PSMA3: variants seen among roughly 807,000 people sequenced by gnomAD.
PSMA3 encodes proteasome subunit alpha type-3.
PSMA3 carries 8 observed loss-of-function variants against 40.0 expected under a neutral mutation model. The observed-to-expected ratio is 0.20, with a 90% CI of 0.12 to 0.36. PSMA3 has a LOEUF of 0.36. Among genes scored for constraint, PSMA3 ranks in the 10% least tolerant of loss-of-function variants. The pLI, the probability that PSMA3 is intolerant of heterozygous loss-of-function variation, is 1.00. For missense variants in PSMA3, 219 were observed against 310.6 expected (o/e 0.70, Z 2.22); for synonymous variants, 110 against 100.0 (o/e 1.10, Z -0.59).
chr14:58,254,019 C>T (rs1008648412), intron 3 of PSMA3, among the ~76,000 whole-genome samples: 2 of 151,758 alleles, frequency 1.3e-5, no homozygotes. Flanking sequence ...AAGCCTAGGA[C>T]CCAATAGTTA....
intron 5 of PSMA3, among the ~76,000 whole-genome samples, chr14:58,259,972 CTA>C (rs1185856289): frequency 6.6e-6 from 1 of 152,070 alleles, no homozygotes; most frequent in Non-Finnish European, 1.5e-5. Context: ...TGACAATGAG[CTA>C]TATATCCTGA....
intron 3 of PSMA3, among the ~76,000 whole-genome samples, chr14:58,255,182 A>G (rs1027224557): frequency 1.3e-5 from 1 of 78,112 alleles, no homozygotes; most frequent in African/African-American, 5.1e-5. Context: ...AAAACTTAGT[A>G]GCCGTTTTTT....
At chr14:58,264,144 A>T (rs1216327952) in intron 7 of PSMA3, among the ~76,000 whole-genome samples, 1 of 152,234 alleles carries the variant, frequency 6.6e-6, no homozygotes, top group African/African-American at 2.4e-5. Context: ...ATAAAGCCTC[A>T]ATCTAGAAAA....
chr14:58,270,681 ATAC>A (rs1397610366), intron 9 of PSMA3, among the ~76,000 whole-genome samples, 196 bp downstream of exon 9: 3 of 152,226 alleles, frequency 2.0e-5, no homozygotes, highest in African/African-American at 4.8e-5. Context: ...TGGTTTTAAG[ATAC>A]TATGCTATAA....
chr14:58,263,856 G>C, intron 7 of PSMA3, 86 bp downstream of exon 7: 4 of 1,245,994 alleles, frequency 3.2e-6, no homozygotes, highest in East Asian at 4.8e-5. Context: ...TCTAAGGCAG[G>C]GATGTCCAAT....
chr14:58,267,510 G>A lies in PSMA3; in HGVS notation c.580G>A (p.Val194Ile). The A allele has an allele frequency of 6.4e-7, 1 of 1,574,306 alleles. No individual in the cohort carries two copies. The highest frequency in any genetic ancestry group is 8.6e-7 in the Non-Finnish European group (1 of 1,164,094). Reference protein sequence around the residue: ...EMTCRDIVKEVAKIIYIVHDE... With the variant: ...EMTCRDIVKEIAKIIYIVHDE... ...GACCTGCCGTGATATCGTTAAAGAA[G>A]TTGCAAAAATGTAAGTTGAAATTTT... Residue 194 changes from valine (V) to isoleucine (I), a missense_variant, in exon 8 of 11, where the codon GTT (valine) becomes ATT (isoleucine). Physicochemically the swap from Val to Ile is conservative, Grantham distance 29. Transcript: ENST00000216455.
intron 7 of PSMA3, among the ~76,000 whole-genome samples, chr14:58,264,371 G>A (rs1481115733): frequency 1.3e-5 from 2 of 152,078 alleles, no homozygotes; most frequent in Non-Finnish European, 2.9e-5. Flanking sequence ...ACACTCTTAC[G>A]ACTACCCACT....
At chr14:58,254,970 G>A (rs371452112) in intron 3 of PSMA3, among the ~76,000 whole-genome samples, 45 of 152,118 alleles carry the variant, frequency 3.0e-4, no homozygotes, top group African/African-American at 8.7e-4. Flanking sequence ...ACTGGGTAGC[G>A]TAGGAAAAAA....
intron 1 of PSMA3, 162 bp downstream of exon 1, chr14:58,245,103 A>G (rs1342213690): frequency 4.8e-6 from 4 of 833,574 alleles, no homozygotes; most frequent in Admixed American, 4.1e-5. Flanking sequence ...TTTATCCCCT[A>G]TATGCTAGGC....
intron 8 of PSMA3, chr14:58,269,918 T>G (rs139669041): frequency 0.014 from 2,185 of 153,352 alleles, 44 homozygotes; most frequent in African/African-American, 0.05. Flanking sequence ...AGTGTGATCT[T>G]GGCTCACTGC....
intron 8 of PSMA3, chr14:58,268,128 C>T (rs1003706383): frequency 2.0e-5 from 3 of 152,084 alleles, no homozygotes; most frequent in African/African-American, 4.8e-5. Flanking sequence ...ATAAAAAAGT[C>T]AATTAACCTG....
chr14:58,264,995 T>C (rs1890394396), intron 7 of PSMA3: 1 of 152,232 alleles, frequency 6.6e-6, no homozygotes, highest in African/African-American at 2.4e-5. Flanking sequence ...TTGAGGGGGA[T>C]TACCCCTGTA....
At chr14:58,260,866 A>G in intron 5 of PSMA3, 82 bp from the exon 6 acceptor site, 2 of 1,004,700 alleles carry the variant, frequency 2.0e-6, no homozygotes, top group Non-Finnish European at 3.0e-6. Flanking sequence ...GAAAGAAAAT[A>G]TAACTGCATT....
intron 6 of PSMA3, chr14:58,263,414 A>G (rs947624337): frequency 1.1e-4 from 24 of 212,028 alleles, no homozygotes; most frequent in Non-Finnish European, 1.9e-5. Flanking sequence ...TCATAGTGCT[A>G]AAATCTTTTC....
intron 5 of PSMA3, among the ~76,000 whole-genome samples, chr14:58,260,742 TAAAC>T (rs1366541531): frequency 6.8e-6 from 1 of 147,002 alleles, no homozygotes; most frequent in Non-Finnish European, 1.6e-5. Context: ...AGATTAATAC[TAAAC>T]AAACAAAAGC....
chr14:58,265,345 C>T (rs566589816), intron 7 of PSMA3: 1 of 152,150 alleles, frequency 6.6e-6, no homozygotes, highest in East Asian at 1.9e-4. Context: ...ATGGGAAAAA[C>T]AATAAATCCC....
At chr14:58,248,837 G>A (rs1416802556) in intron 2 of PSMA3, among the ~76,000 whole-genome samples, 8 of 152,018 alleles carry the variant, frequency 5.3e-5, no homozygotes, top group Non-Finnish European at 5.9e-5. Context: ...GATGGCACAC[G>A]TCGTAGTTTC....
chr14:58,245,731 A>T (rs1166435910), intron 1 of PSMA3, among the ~76,000 whole-genome samples: 1 of 152,172 alleles, frequency 6.6e-6, no homozygotes, highest in Admixed American at 6.5e-5. Flanking sequence ...TACAGTTTCT[A>T]AAAGATTTAT....
intron 3 of PSMA3, among the ~76,000 whole-genome samples, chr14:58,253,133 C>T (rs1057462649): frequency 2.0e-5 from 3 of 151,938 alleles, no homozygotes; most frequent in African/African-American, 7.3e-5. Context: ...TACAGGTGCC[C>T]ACTACCATGC....
Sources: allele counts gnomAD v4.1 joint callset (sites outside exome capture counted in the v4.1 genomes callset), GRCh38; gene constraint gnomAD v4.1.1; transcripts MANE v1.5; gene names NCBI Gene and HGNC (gene_info 2026-07-23, HGNC 2026-07-21).